The following ARRB1 variants were observed in gnomAD, a reference collection of about 807,000 sequenced individuals.
ARRB1 encodes the protein beta-arrestin-1.
A neutral mutation model predicts 56.8 loss-of-function variants in ARRB1; 21 were observed. The observed-to-expected ratio is 0.37, with a 90% CI of 0.26 to 0.53. The LOEUF is 0.53. Among genes scored for constraint, ARRB1 ranks in the 20% least tolerant of loss-of-function variants. The pLI, the probability that ARRB1 is intolerant of heterozygous loss-of-function variation, is 0.88. For synonymous variants in ARRB1, 210 were observed against 218.6 expected (o/e 0.96, Z 0.35); for missense variants, 424 against 553.7 (o/e 0.77, Z 2.35).
intron 1 of ARRB1, among the ~76,000 whole-genome samples, chr11:75,305,572 C>T (rs563581654): frequency 1.3e-5 from 2 of 152,218 alleles, no homozygotes; most frequent in Non-Finnish European, 2.9e-5. Flanking sequence ...AAATCCCCCA[C>T]CCTTCTTTTT....
intron 1 of ARRB1, among the ~76,000 whole-genome samples, chr11:75,348,279 T>C (rs955757503): frequency 6.6e-6 from 1 of 152,216 alleles, no homozygotes; most frequent in Non-Finnish European, 1.5e-5. Context: ...CCCCTTGGCC[T>C]ATTCATCCTT....
rs187855585 is a variant in ARRB1 at position 75,327,639 on chromosome 11, A to G, written c.20+23949T>C. ...GTCTTGCTCTTGTCGCCCAGGCTAG[A>G]GTGCAGTGGCGTGATCTCGGCTTAC... On this transcript the variant is annotated intron_variant, in intron 1 of 15. Transcript: ENST00000420843. 4.7e-3 allele frequency among the ~76,000 whole-genome samples: 692 copies of G among 147,888 alleles called. 4 individuals are homozygous for G. Among genetic ancestry groups the G allele is most frequent in the African/African-American group, 0.016 (655 of 39,800 alleles).
intron 14 of ARRB1, among the ~76,000 whole-genome samples, 195 bp downstream of exon 14, chr11:75,268,694 C>T (rs1397702421): frequency 6.6e-6 from 1 of 152,100 alleles, no homozygotes; most frequent in African/African-American, 2.4e-5. Context: ...CTCCCTCTCC[C>T]ATGGGGAACA....
At chr11:75,328,280 T>A (rs117615697) in intron 1 of ARRB1, among the ~76,000 whole-genome samples, 3,649 of 152,346 alleles carry the variant, frequency 0.024, 68 homozygotes, top group Non-Finnish European at 0.041. Context: ...CAGTATTTCA[T>A]TCCTTCTCAT....
intron 1 of ARRB1, among the ~76,000 whole-genome samples, chr11:75,306,368 C>T (rs962554426): frequency 1.3e-5 from 2 of 152,172 alleles, no homozygotes; most frequent in African/African-American, 4.8e-5. Flanking sequence ...TTAGACAAGT[C>T]CCAAACAGCC....
At chr11:75,338,704 G>C (rs1426136542) in intron 1 of ARRB1, among the ~76,000 whole-genome samples, 1 of 152,182 alleles carries the variant, frequency 6.6e-6, no homozygotes, top group East Asian at 1.9e-4. Context: ...CGCTGCTGTG[G>C]AACAGTCAGC....
chr11:75,277,545 C>A, intron 8 of ARRB1, 97 bp from the exon 9 acceptor site: 1 of 1,143,996 alleles, frequency 8.7e-7, no homozygotes, highest in Non-Finnish European at 1.3e-6. Flanking sequence ...TCTGGGGTTC[C>A]CCAGACCTTG....
intron 1 of ARRB1, among the ~76,000 whole-genome samples, chr11:75,318,468 G>A (rs578217203): frequency 2.6e-5 from 4 of 152,236 alleles, no homozygotes; most frequent in African/African-American, 9.6e-5. Context: ...GGTGGGCGGG[G>A]CACCTGAGGT....
chr11:75,329,665 T>C (rs1947489855), intron 1 of ARRB1, among the ~76,000 whole-genome samples: 1 of 152,030 alleles, frequency 6.6e-6, no homozygotes, highest in African/African-American at 2.4e-5. Context: ...CCTCAGAGGG[T>C]TTCTGACATT....
At chr11:75,332,217 T>C (rs938477038) in intron 1 of ARRB1, among the ~76,000 whole-genome samples, 2 of 152,232 alleles carry the variant, frequency 1.3e-5, no homozygotes, top group Non-Finnish European at 2.9e-5. Context: ...AAAGCCTGTT[T>C]GGTGGTCTCT....
At chr11:75,267,515 C>T (rs868540530) in intron 15 of ARRB1, 137 bp downstream of exon 15, 2 of 829,324 alleles carry the variant, frequency 2.4e-6, no homozygotes, top group Non-Finnish European at 3.9e-6. Context: ...GCTGAAGAGG[C>T]GAGCAGAGGT....
intron 7 of ARRB1, among the ~76,000 whole-genome samples, chr11:75,280,566 G>C (rs1417739698): frequency 6.6e-6 from 1 of 152,326 alleles, no homozygotes; most frequent in East Asian, 1.9e-4. Context: ...CTTCTCCAGA[G>C]AACGCTTCCC....
chr11:75,317,893 C>A (rs1045553899), intron 1 of ARRB1, among the ~76,000 whole-genome samples: 1 of 152,136 alleles, frequency 6.6e-6, no homozygotes, highest in African/African-American at 2.4e-5. Flanking sequence ...GGACCAGCAC[C>A]GAGGACTAGC....
intron 1 of ARRB1, among the ~76,000 whole-genome samples, chr11:75,350,443 GC>G (rs1947828958): frequency 6.6e-6 from 1 of 152,172 alleles, no homozygotes; most frequent in South Asian, 2.1e-4. Context: ...AAGAGGGGGA[GC>G]CCAGGGAGAG....
At chr11:75,268,806 C>G in intron 14 of ARRB1, 83 bp downstream of exon 14, 1 of 1,486,764 alleles carries the variant, frequency 6.7e-7, no homozygotes, top group Non-Finnish European at 9.2e-7. Flanking sequence ...GGGCTGAGGG[C>G]GAACCCGGGG....
chr11:75,339,985 G>T (rs755040912), intron 1 of ARRB1, among the ~76,000 whole-genome samples: 1 of 152,190 alleles, frequency 6.6e-6, no homozygotes, highest in Non-Finnish European at 1.5e-5. Flanking sequence ...TTCGGAGAAA[G>T]GGCAGCCTCA....
intron 5 of ARRB1, among the ~76,000 whole-genome samples, chr11:75,282,675 T>C (rs1380107157): frequency 2.0e-5 from 3 of 152,176 alleles, no homozygotes; most frequent in Non-Finnish European, 4.4e-5. Context: ...CATACATCTG[T>C]GTTGTTTTAA....
chr11:75,332,859 C>T (rs1158923697), intron 1 of ARRB1, among the ~76,000 whole-genome samples: 1 of 152,048 alleles, frequency 6.6e-6, no homozygotes, highest in Non-Finnish European at 1.5e-5. Context: ...CGCGCCACTG[C>T]ACTCTGGCCT....
Position 75,286,428 on chromosome 11 carries a change from C to T in ARRB1, c.112+887G>A, listed in dbSNP as rs34945787. On this transcript the variant is annotated intron_variant, in intron 3 of 15. Transcript: ENST00000420843. ...GAATACAGGTGCATGCCACCATGCT[C>T]GGCTATTTTTTTTTTCTGTATTTTT... Among the ~76,000 whole-genome samples, 749 of 150,456 alleles carry T rather than the reference C, an allele frequency of 5.0e-3. 9 individuals are homozygous for T. The highest frequency in any genetic ancestry group is 0.018 in the African/African-American group (710 of 40,104).
Sources: gnomAD v4.1 joint callset for allele counts (sites outside exome capture counted in the v4.1 genomes callset) on GRCh38, gnomAD v4.1.1 for gene constraint, MANE v1.5 for transcripts, NCBI Gene and HGNC (gene_info 2026-07-23, HGNC 2026-07-21) for gene names.